Variants in SLC35F3 observed in about 807,000 individuals in gnomAD.
The protein encoded by SLC35F3 is putative thiamine transporter SLC35F3.
SLC35F3 carries 25 observed loss-of-function variants against 49.9 expected under a neutral mutation model. The observed-to-expected ratio is 0.50, with a 90% CI of 0.37 to 0.70. The LOEUF is 0.70. Among genes scored for constraint, SLC35F3 ranks in the 30% least tolerant of loss-of-function variants. SLC35F3 has a pLI of 0.00. For synonymous variants in SLC35F3, 275 were observed against 265.4 expected (o/e 1.04, Z -0.35); for missense variants, 525 against 639.8 (o/e 0.82, Z 1.94).
At chr1:233,910,809 G>A (rs1490747764) in intron 2 of SLC35F3, among the ~76,000 whole-genome samples, 1 of 152,148 alleles carries the variant, frequency 6.6e-6, no homozygotes, top group African/African-American at 2.4e-5. Flanking sequence ...TTCACTACAG[G>A]TTCTGGTATG....
In SLC35F3 at chr1:234,122,823, A is replaced by T. The variant is rs144709878; in HGVS notation, c.284-108594A>T. ...TCATTCTTTTTTATGGCTGTATAGT[A>T]TTCCATGGTGTATACATGCCACGTT... On this transcript the variant is annotated intron_variant, in intron 2 of 7. Coordinates refer to ENST00000366618, the MANE Select transcript of SLC35F3 (RefSeq NM_173508.4). 6.0e-3 allele frequency among the ~76,000 whole-genome samples: 911 copies of T among 152,310 alleles called. 11 individuals are homozygous for T. Among genetic ancestry groups the T allele is most frequent in the East Asian group, 0.039 (202 of 5,186 alleles).
intron 2 of SLC35F3, among the ~76,000 whole-genome samples, chr1:234,100,531 A>G (rs1313604625): frequency 1.3e-5 from 2 of 152,138 alleles, no homozygotes; most frequent in Non-Finnish European, 2.9e-5. Context: ...TTCCTGGGAG[A>G]TTTTGTTCAA....
intron 2 of SLC35F3, among the ~76,000 whole-genome samples, chr1:234,063,450 G>T (rs1480623330): frequency 6.6e-6 from 1 of 152,194 alleles, no homozygotes; most frequent in Non-Finnish European, 1.5e-5. Context: ...AATGGGTACA[G>T]GTGCTGGGGT....
At chr1:234,103,603 T>G (rs934906026) in intron 2 of SLC35F3, among the ~76,000 whole-genome samples, 1 of 152,336 alleles carries the variant, frequency 6.6e-6, no homozygotes, top group South Asian at 2.1e-4. Flanking sequence ...GTAGCTCTTA[T>G]AATGATTCAG....
chr1:234,202,266 A>C (rs1467362195), intron 2 of SLC35F3, among the ~76,000 whole-genome samples: 2 of 152,110 alleles, frequency 1.3e-5, no homozygotes, highest in East Asian at 3.9e-4. Flanking sequence ...GGGGGTGGGA[A>C]ATAGAAATAA....
At chr1:234,055,020 G>A (rs1664434382) in intron 2 of SLC35F3, among the ~76,000 whole-genome samples, 1 of 152,116 alleles carries the variant, frequency 6.6e-6, no homozygotes, top group South Asian at 2.1e-4. Context: ...CGTCCCAGAG[G>A]GGCACTCGGC....
At chr1:233,953,111 A>G (rs1010359562) in intron 2 of SLC35F3, among the ~76,000 whole-genome samples, 1 of 152,212 alleles carries the variant, frequency 6.6e-6, no homozygotes, top group African/African-American at 2.4e-5. Flanking sequence ...TCGAAATAGG[A>G]AAAGACTAGA....
At position 233,979,281 on chromosome 1, in the gene SLC35F3, G is replaced by A. The variant is rs1043700420; in HGVS notation, c.283+73523G>A. On this transcript the variant is annotated intron_variant, in intron 2 of 7. Transcript: ENST00000366618. ...GAGCTGGTTCCATCTGGACATTCAA[G>A]TCTCTCTTCACGTTAGGGGATTTTT... Among the ~76,000 whole-genome samples, 8 of 152,064 alleles carry A rather than the reference G, an allele frequency of 5.3e-5. No individual in the cohort carries two copies. In the South Asian group the frequency reaches 1.7e-3, roughly 32 times the overall value.
chr1:234,035,302 A>T (rs193196766), intron 2 of SLC35F3, among the ~76,000 whole-genome samples: 6 of 152,192 alleles, frequency 3.9e-5, no homozygotes, highest in Non-Finnish European at 8.8e-5. Flanking sequence ...AGAGAATTTT[A>T]AAGTTCTTGC....
chr1:234,231,785 T>C lies in SLC35F3; in HGVS notation c.608+44T>C, dbSNP rs1226779988. 5 of 1,552,232 alleles carry C rather than the reference T, an allele frequency of 3.2e-6. No individual in the cohort carries two copies. Among genetic ancestry groups the C allele is most frequent in the Non-Finnish European group, 4.4e-6 (5 of 1,141,274 alleles). ...AGGAGGCCTCCTGACCCCGGGCTGC[T>C]CCATCCAGCGCTGACTCTGCAGAGC... On this transcript the variant is annotated intron_variant, in intron 3 of 7. Transcript: ENST00000366618. This position sits in a 1 kb window ranked among gnomAD's most constrained non-coding sequence, Gnocchi z 5.4.
intron 2 of SLC35F3, among the ~76,000 whole-genome samples, chr1:233,947,049 G>C (rs1301513626): frequency 6.6e-6 from 1 of 152,164 alleles, no homozygotes; most frequent in Non-Finnish European, 1.5e-5. Flanking sequence ...TGGGTCACCT[G>C]CTTCTGCCAT....
intron 2 of SLC35F3, among the ~76,000 whole-genome samples, chr1:234,074,641 C>G (rs1044537425): frequency 6.6e-6 from 1 of 152,140 alleles, no homozygotes; most frequent in African/African-American, 2.4e-5. Flanking sequence ...GGTTTCAAAG[C>G]TCATGATTTC....
intron 3 of SLC35F3, among the ~76,000 whole-genome samples, chr1:234,268,278 C>T (rs1368567129): frequency 6.6e-6 from 1 of 152,170 alleles, no homozygotes; most frequent in African/African-American, 2.4e-5. Flanking sequence ...CACAGCGAAA[C>T]CCCGTCTCCA....
At chr1:234,182,270 A>C (rs1344772152) in intron 2 of SLC35F3, among the ~76,000 whole-genome samples, 1 of 152,168 alleles carries the variant, frequency 6.6e-6, no homozygotes, top group Non-Finnish European at 1.5e-5. Context: ...CTTCCTTTTG[A>C]CCTGACTCTT....
intron 2 of SLC35F3, among the ~76,000 whole-genome samples, chr1:234,167,224 C>A (rs76986223): frequency 6.6e-6 from 1 of 152,208 alleles, no homozygotes; most frequent in African/African-American, 2.4e-5. Context: ...AATAAGAGCT[C>A]ACATTTTTAG....
intron 3 of SLC35F3, among the ~76,000 whole-genome samples, chr1:234,264,649 G>A (rs942833880): frequency 6.6e-6 from 1 of 152,188 alleles, no homozygotes; most frequent in Non-Finnish European, 1.5e-5. Flanking sequence ...AAACTCTGGG[G>A]CGGAAATGAT....
chr1:233,983,324 C>T (rs1476888982), intron 2 of SLC35F3, among the ~76,000 whole-genome samples: 2 of 152,058 alleles, frequency 1.3e-5, no homozygotes, highest in African/African-American at 2.4e-5. Flanking sequence ...TCATCGAGCT[C>T]GGGAACAAGT....
intron 2 of SLC35F3, among the ~76,000 whole-genome samples, chr1:234,130,123 A>G (rs1016242895): frequency 1.3e-5 from 2 of 152,246 alleles, no homozygotes; most frequent in Non-Finnish European, 1.5e-5. Context: ...CATCTGATGA[A>G]GGACTTACCC....
rs180854938 is a variant in SLC35F3 at position 234,072,682 on chromosome 1, C to T, written c.284-158735C>T. On this transcript the variant is annotated intron_variant, in intron 2 of 7. Transcript: ENST00000366618. ...CGGTGTTCCAGGCAGAAAAGAAAGCCAATGCAACCCCTTGCAATGAGGCTA... is the reference window on the plus strand; with the variant it reads ...CGGTGTTCCAGGCAGAAAAGAAAGCTAATGCAACCCCTTGCAATGAGGCTA... 6.6e-5 allele frequency among the ~76,000 whole-genome samples: 10 copies of T among 152,150 alleles called. No individual in the cohort carries two copies. The East Asian group carries it at 1.9e-3, about 29-fold the overall frequency.
Sources: gnomAD v4.1 joint callset for allele counts (sites outside exome capture counted in the v4.1 genomes callset) on GRCh38, gnomAD v4.1.1 for gene constraint, Gnocchi (gnomAD v3.1) non-coding constraint, MANE v1.5 for transcripts, NCBI Gene and HGNC (gene_info 2026-07-23, HGNC 2026-07-21) for gene names.